SLC24A3: variants seen among roughly 807,000 people sequenced by gnomAD.
SLC24A3 encodes the protein solute carrier family 24 member 3.
SLC24A3 carries 28 observed loss-of-function variants against 75.8 expected under a neutral mutation model. The observed-to-expected ratio is 0.37, with a 90% CI of 0.27 to 0.51. The LOEUF (loss-of-function observed/expected upper bound fraction) is 0.51. Among genes scored for constraint, SLC24A3 ranks in the 20% least tolerant of loss-of-function variants. The pLI is 0.94. For synonymous variants in SLC24A3, 372 were observed against 334.1 expected, an observed-to-expected ratio of 1.11 and a Z score of -1.24; for missense variants, 663 against 847.8, an observed-to-expected ratio of 0.78 and a Z score of 2.71.
intron 3 of SLC24A3, among the ~76,000 whole-genome samples, chr20:19,530,920 G>A (rs1300495666): frequency 6.6e-6 from 1 of 152,148 alleles, no homozygotes; most frequent in Non-Finnish European, 1.5e-5. Flanking sequence ...CACCTGACCA[G>A]TGCAGGCAGA....
intron 1 of SLC24A3, among the ~76,000 whole-genome samples, chr20:19,230,879 G>A (rs1982002113): frequency 6.6e-6 from 1 of 152,114 alleles, no homozygotes; most frequent in Non-Finnish European, 1.5e-5. Flanking sequence ...CCTAATGCTA[G>A]GCTAATGACC....
chr20:19,488,483 A>G (rs1489953605), intron 2 of SLC24A3, among the ~76,000 whole-genome samples: 1 of 152,194 alleles, frequency 6.6e-6, no homozygotes, highest in Non-Finnish European at 1.5e-5. Context: ...CTAGAAAGAA[A>G]TGAGAATGAG....
chr20:19,323,422 G>A (rs1984762197), intron 2 of SLC24A3, among the ~76,000 whole-genome samples: 1 of 152,076 alleles, frequency 6.6e-6, no homozygotes, highest in African/African-American at 2.4e-5. Context: ...AGGACACACA[G>A]GTTTCAACTA....
At chr20:19,707,699 A>G (rs879285773) in intron 15 of SLC24A3, among the ~76,000 whole-genome samples, 3 of 152,220 alleles carry the variant, frequency 2.0e-5, no homozygotes, top group Admixed American at 2.0e-4. Context: ...GAATAATCAT[A>G]AGTAACATGT....
At chr20:19,638,858 C>A (rs917832547) in intron 6 of SLC24A3, among the ~76,000 whole-genome samples, 1 of 152,082 alleles carries the variant, frequency 6.6e-6, no homozygotes, top group African/African-American at 2.4e-5. Context: ...CCAGTGGGCT[C>A]GTGGGCTTGC....
intron 4 of SLC24A3, among the ~76,000 whole-genome samples, chr20:19,580,488 T>C (rs1443753901): frequency 6.6e-6 from 1 of 152,050 alleles, no homozygotes; most frequent in Non-Finnish European, 1.5e-5. Flanking sequence ...ATTAAAAACC[T>C]CCAACCGCAT....
chr20:19,543,505 T>C (rs2030537203), intron 3 of SLC24A3, among the ~76,000 whole-genome samples: 1 of 152,216 alleles, frequency 6.6e-6, no homozygotes, highest in Non-Finnish European at 1.5e-5. Context: ...GTGTTGATGA[T>C]GCAAAAGTGA....
chr20:19,288,186 G>C (rs1253477240), intron 2 of SLC24A3, among the ~76,000 whole-genome samples: 1 of 152,168 alleles, frequency 6.6e-6, no homozygotes, highest in Non-Finnish European at 1.5e-5. Context: ...TACAGGTTGG[G>C]CTGCGTGTAG....
At chr20:19,428,934 G>A (rs1194793792) in intron 2 of SLC24A3, among the ~76,000 whole-genome samples, 4 of 152,334 alleles carry the variant, frequency 2.6e-5, no homozygotes, top group African/African-American at 9.6e-5. Flanking sequence ...TAATAGACAA[G>A]TTGTGAATTG....
At chr20:19,412,105 A>G (rs1330869538) in intron 2 of SLC24A3, among the ~76,000 whole-genome samples, 4 of 152,198 alleles carry the variant, frequency 2.6e-5, no homozygotes, top group Admixed American at 1.3e-4. Context: ...CCACTAGGCA[A>G]ATTCTGAACT....
intron 2 of SLC24A3, among the ~76,000 whole-genome samples, chr20:19,311,140 G>A (rs1194417595): frequency 6.6e-6 from 1 of 151,304 alleles, no homozygotes; most frequent in African/African-American, 2.4e-5. Context: ...ACAGTTTGGG[G>A]TCACTGGAGC....
chr20:19,452,911 C>T (rs1168531422), intron 2 of SLC24A3, among the ~76,000 whole-genome samples: 1 of 152,076 alleles, frequency 6.6e-6, no homozygotes, highest in African/African-American at 2.4e-5. Context: ...GTACCAGGCG[C>T]GGTGGCTCAC....
chr20:19,412,618 AGGAGGAGGAGGAGGGGG>A (rs922369458), intron 2 of SLC24A3, among the ~76,000 whole-genome samples: 2 of 150,016 alleles, frequency 1.3e-5, no homozygotes, highest in Admixed American at 1.3e-4. Flanking sequence ...GAGCAAGAGG[AGGAGGAGGAGGAGGGGG>A]GGAGGAGGAG....
intron 4 of SLC24A3, among the ~76,000 whole-genome samples, chr20:19,580,445 A>G (rs897345606): frequency 1.3e-5 from 2 of 151,022 alleles, no homozygotes; most frequent in Non-Finnish European, 1.5e-5. Flanking sequence ...TGCCTCCATA[A>G]CTCTCCTTTG....
At chr20:19,693,193 A>G in intron 12 of SLC24A3, 66 bp from the exon 13 acceptor site, 2 of 1,521,502 alleles carry the variant, frequency 1.3e-6, no homozygotes, top group Non-Finnish European at 1.8e-6. Context: ...GAGCAAAGAA[A>G]TAAAGCTAAC....
intron 2 of SLC24A3, among the ~76,000 whole-genome samples, chr20:19,360,738 C>T (rs760817711): frequency 7.2e-5 from 11 of 152,232 alleles, no homozygotes; most frequent in Non-Finnish European, 1.3e-4. Flanking sequence ...GCACATGTGA[C>T]AACACCACAA....
chr20:19,603,792 G>A (rs1000471719), intron 6 of SLC24A3, among the ~76,000 whole-genome samples: 1 of 152,106 alleles, frequency 6.6e-6, no homozygotes, highest in African/African-American at 2.4e-5. Context: ...AAAAAACAAG[G>A]CTGTGAGTTC....
Position 19,426,388 on chromosome 20 carries a change from A to C in SLC24A3, c.272-89100A>C, listed in dbSNP as rs114015430. Among the ~76,000 whole-genome samples the C allele has an allele frequency of 7.2e-5, 11 of 152,338 alleles. No homozygotes were observed. In the East Asian group the frequency reaches 2.1e-3, roughly 29 times the overall value. On this transcript the variant is annotated intron_variant, in intron 2 of 16. Transcript: ENST00000328041. ...GCGTACACTCAGAGGACTGTGTTTA[A>C]AATTACTTAAATATATTATTTGTGG... is the stretch of plus-strand genomic sequence containing the variant.
At chr20:19,251,840 G>A (rs766425236) in intron 1 of SLC24A3, among the ~76,000 whole-genome samples, 2 of 152,212 alleles carry the variant, frequency 1.3e-5, no homozygotes, top group African/African-American at 2.4e-5. Context: ...GGCAGCCGGG[G>A]TCCCCAAGGG....
Sources: gnomAD v4.1 joint callset for allele counts (sites outside exome capture counted in the v4.1 genomes callset) on GRCh38, gnomAD v4.1.1 for gene constraint, MANE v1.5 for transcripts, NCBI Gene and HGNC (gene_info 2026-07-23, HGNC 2026-07-21) for gene names.